DKK2: variants seen among roughly 807,000 people sequenced by gnomAD.
DKK2 encodes dickkopf Wnt signaling pathway inhibitor 2, also known as dickkopf-related protein 2.
In DKK2, 11 loss-of-function variants were observed where a neutral mutation model predicts 28.1. The ratio of observed to expected loss-of-function variants is 0.39; its 90% CI spans 0.25 to 0.65. DKK2 has a LOEUF of 0.65. Ranked by LOEUF, DKK2 falls within the 30% of genes least tolerant of loss-of-function variation. DKK2 has a pLI of 0.47. For missense variants in DKK2, 326 were observed against 335.5 expected, an observed-to-expected ratio of 0.97 and a Z score of 0.22; for synonymous variants, 135 against 126.5, an observed-to-expected ratio of 1.07 and a Z score of -0.45.
chr4:107,011,039 T>C (rs1431674947), intron 1 of DKK2, among the ~76,000 whole-genome samples: 1 of 151,522 alleles, frequency 6.6e-6, no homozygotes, highest in Non-Finnish European at 1.5e-5. Flanking sequence ...TCTTGCAATC[T>C]GAATTTTTTT....
At chr4:106,939,889 G>A (rs1724666832) in intron 1 of DKK2, among the ~76,000 whole-genome samples, 1 of 152,170 alleles carries the variant, frequency 6.6e-6, no homozygotes, top group Non-Finnish European at 1.5e-5. Flanking sequence ...ATGGTGCTGG[G>A]AAAACTGGCT....
intron 1 of DKK2, among the ~76,000 whole-genome samples, chr4:106,960,169 TAGTAATACTAC>T (rs779418447): frequency 1.4e-4 from 21 of 150,178 alleles, no homozygotes; most frequent in Admixed American, 7.3e-4. Flanking sequence ...CACACATATA[TAGTAATACTAC>T]TATAATAGAA....
intron 1 of DKK2, among the ~76,000 whole-genome samples, chr4:106,990,989 G>A (rs1183309318): frequency 4.6e-5 from 7 of 152,134 alleles, no homozygotes; most frequent in Admixed American, 6.6e-5. Flanking sequence ...AGTAGAGCAG[G>A]CATCAGATTG....
At chr4:106,980,648 C>A (rs78125707) in intron 1 of DKK2, among the ~76,000 whole-genome samples, 4,695 of 152,172 alleles carry the variant, frequency 0.031, 82 homozygotes, top group African/African-American at 0.044. Flanking sequence ...TAAGATAATA[C>A]ATGCTGAATT....
chr4:106,935,334 G>A (rs984177651), intron 1 of DKK2, among the ~76,000 whole-genome samples: 7 of 152,178 alleles, frequency 4.6e-5, no homozygotes, highest in African/African-American at 7.2e-5. Flanking sequence ...TTCCCTTTCC[G>A]AGTCAAAGAA....
chr4:106,949,018 C>G (rs1250110002), intron 1 of DKK2, among the ~76,000 whole-genome samples: 2 of 152,044 alleles, frequency 1.3e-5, no homozygotes, highest in Admixed American at 1.3e-4. Context: ...TAGCATCAAC[C>G]AAAAACCATT....
intron 1 of DKK2, among the ~76,000 whole-genome samples, chr4:106,928,732 A>C (rs980102550): frequency 6.6e-6 from 1 of 152,184 alleles, no homozygotes; most frequent in East Asian, 1.9e-4. Flanking sequence ...ACATGAAATA[A>C]TATGGTTCTA....
intron 1 of DKK2, among the ~76,000 whole-genome samples, chr4:107,006,146 A>G (rs888028850): frequency 2.6e-5 from 4 of 152,252 alleles, no homozygotes; most frequent in African/African-American, 9.6e-5. Flanking sequence ...GAATGTAGCA[A>G]ATGAGCTAGA....
chr4:107,025,802 A>G (rs777448090), intron 1 of DKK2, among the ~76,000 whole-genome samples: 7 of 152,196 alleles, frequency 4.6e-5, no homozygotes, highest in Non-Finnish European at 8.8e-5. Context: ...CTTTGATAAT[A>G]TATTTTGACC....
chr4:107,016,804 A>G (rs565299364), intron 1 of DKK2, among the ~76,000 whole-genome samples: 1 of 152,076 alleles, frequency 6.6e-6, no homozygotes, highest in South Asian at 2.1e-4. Flanking sequence ...ATTGAGATGG[A>G]GAAAACCATG....
intron 1 of DKK2, among the ~76,000 whole-genome samples, chr4:106,980,547 A>G (rs1413019358): frequency 6.6e-6 from 1 of 152,142 alleles, no homozygotes; most frequent in African/African-American, 2.4e-5. Context: ...AAAGTATAAC[A>G]AGTAATAGTT....
At chr4:106,933,876 A>G (rs1724537577) in intron 1 of DKK2, among the ~76,000 whole-genome samples, 1 of 152,134 alleles carries the variant, frequency 6.6e-6, no homozygotes, top group Admixed American at 6.5e-5. Flanking sequence ...CCAAAATGTA[A>G]ACACTTGTGA....
chr4:107,021,293 A>C (rs763805565), intron 1 of DKK2, among the ~76,000 whole-genome samples: 1 of 152,062 alleles, frequency 6.6e-6, no homozygotes, highest in Non-Finnish European at 1.5e-5. Flanking sequence ...GTGTTAATCA[A>C]TATGTATGAT....
chr4:107,016,171 C>T (rs941818255), intron 1 of DKK2, among the ~76,000 whole-genome samples: 1 of 151,822 alleles, frequency 6.6e-6, no homozygotes, highest in South Asian at 2.1e-4. Flanking sequence ...TAGAGAACAT[C>T]GTGGAAAATC....
chr4:106,926,028 G>A (rs1361393954), intron 1 of DKK2, 79 bp from the exon 2 acceptor site: 1 of 1,420,618 alleles, frequency 7.0e-7, no homozygotes, highest in East Asian at 2.4e-5. Context: ...AGCAAATCAT[G>A]ATAGAAAATG....
intron 1 of DKK2, among the ~76,000 whole-genome samples, chr4:107,000,041 G>A (rs550658294): frequency 6.6e-6 from 1 of 152,274 alleles, no homozygotes; most frequent in South Asian, 2.1e-4. Context: ...AGGAAAGTGT[G>A]TAATGGGGTG....
intron 1 of DKK2, among the ~76,000 whole-genome samples, chr4:106,957,155 C>T (rs1405715638): frequency 6.6e-6 from 1 of 152,126 alleles, no homozygotes; most frequent in African/African-American, 2.4e-5. Flanking sequence ...TGAGAAAATG[C>T]TCATCATCAC....
chr4:106,987,551 G>A (rs559022652), intron 1 of DKK2, among the ~76,000 whole-genome samples: 1 of 152,258 alleles, frequency 6.6e-6, no homozygotes, highest in East Asian at 1.9e-4. Context: ...CCTGCCTGAG[G>A]AAAGGGACGC....
chr4:107,030,203 G>A (rs10021344), intron 1 of DKK2, among the ~76,000 whole-genome samples: 56,662 of 151,786 alleles, frequency 0.37, 11,949 homozygotes, highest in Non-Finnish European at 0.5. Context: ...ATGCTGTATC[G>A]ACTGACTTCT....
Sources: allele counts gnomAD v4.1 joint callset (sites outside exome capture counted in the v4.1 genomes callset), GRCh38; gene constraint gnomAD v4.1.1; transcripts MANE v1.5; gene names NCBI Gene and HGNC (gene_info 2026-07-23, HGNC 2026-07-21).